The following GABRG3 variants were observed in gnomAD, a reference collection of about 807,000 sequenced individuals.
GABRG3 encodes the protein gamma-aminobutyric acid receptor subunit gamma-3.
Under a neutral mutation model 48.8 loss-of-function variants are expected in GABRG3, and 25 were observed. The ratio of observed to expected loss-of-function variants is 0.51; its 90% CI spans 0.37 to 0.72. The LOEUF (loss-of-function observed/expected upper bound fraction) is 0.72, where lower values mean the gene tolerates loss of function less well. GABRG3 is among the 30% of genes least tolerant of loss of function. The pLI, the probability that GABRG3 is intolerant of heterozygous loss-of-function variation, is 0.00. For missense variants in GABRG3, 394 were observed against 577.9 expected (o/e 0.68, Z 3.26); for synonymous variants, 227 against 217.6 (o/e 1.04, Z -0.38).
rs1052558077 is a variant in GABRG3, at chr15:26,976,886, G to A, written c.54-116G>A. 8 of 951,718 alleles carry A rather than the reference G, an allele frequency of 8.4e-6. No individual in the cohort carries two copies. The highest frequency in any genetic ancestry group is 3.0e-5 in the South Asian group (2 of 67,246). The allele number at this position is 951,718 out of a possible 1,614,324, so 59.0% of individuals were successfully genotyped here. A position where few individuals can be genotyped will look rare whatever the true frequency, so the allele number is the denominator to read the frequency against. On this transcript the variant is annotated intron_variant, in intron 1 of 9. Coordinates refer to ENST00000615808, the MANE Select transcript of GABRG3 (RefSeq NM_033223.5). The surrounding 1 kb of genome is among the most constrained non-coding windows in gnomAD (Gnocchi z 7.8). ...TTCGGGTTTTCACGTGTGTGGTTGG[G>A]CTGTGGGTACTGGGGACTTTCTACC... is the stretch of plus-strand genomic sequence containing the variant.
chr15:27,331,524 A>C (rs1397921685), intron 5 of GABRG3, among the ~76,000 whole-genome samples: 1 of 152,208 alleles, frequency 6.6e-6, no homozygotes, highest in Non-Finnish European at 1.5e-5. Context: ...CAGCTATATG[A>C]TATTCTGGAA....
At chr15:27,255,308 CA>C (rs1429024552) in intron 3 of GABRG3, among the ~76,000 whole-genome samples, 1 of 152,202 alleles carries the variant, frequency 6.6e-6, no homozygotes, top group Non-Finnish European at 1.5e-5. Flanking sequence ...TCCCAAGCTC[CA>C]AACACCAAGG....
chr15:27,525,949 TA>T, intron 7 of GABRG3, among the ~76,000 whole-genome samples: 1 of 99,262 alleles, frequency 1.0e-5, no homozygotes, highest in East Asian at 3.1e-4. Context: ...CCATAGAACT[TA>T]AAAAAGTAAA....
Position 27,313,290 on chromosome 15 carries a change from A to G in GABRG3, c.271-13519A>G, listed in dbSNP as rs866602268. Among the ~76,000 whole-genome samples, 82 of 112,284 alleles carry G rather than the reference A, an allele frequency of 7.3e-4. 3 individuals are homozygous for G. The South Asian group carries it at 0.012, about 17-fold the overall frequency. The allele number at this position is 112,284 out of a possible 152,430, so 73.7% of individuals were successfully genotyped here. ...TATATATATATATATATATATATAT[A>G]TATATATATATATATATATACCCAA... On this transcript the variant is annotated intron_variant, in intron 3 of 9. Transcript: ENST00000615808.
At chr15:27,292,103 C>T (rs1377347924) in intron 3 of GABRG3, among the ~76,000 whole-genome samples, 3 of 152,178 alleles carry the variant, frequency 2.0e-5, no homozygotes, top group Non-Finnish European at 4.4e-5. Flanking sequence ...CATGTCCCTG[C>T]AAAGGACATG....
intron 5 of GABRG3, among the ~76,000 whole-genome samples, chr15:27,444,606 A>G (rs1888887079): frequency 6.6e-6 from 1 of 152,146 alleles, no homozygotes; most frequent in Non-Finnish European, 1.5e-5. Context: ...TCTTTTAATT[A>G]TAGCTATTAG....
At chr15:27,498,359 G>C (rs768925612) in intron 6 of GABRG3, among the ~76,000 whole-genome samples, 7 of 151,840 alleles carry the variant, frequency 4.6e-5, no homozygotes, top group Non-Finnish European at 1.0e-4. Flanking sequence ...GTTTCTTTCT[G>C]ATTTTAAAGC....
Position 27,473,070 on chromosome 15 carries a change from A to T in GABRG3, c.575-7580A>T, listed in dbSNP as rs146015959. ...TTTACATTCATATTTTTAAGCAAGA[A>T]TGCTTTTCTTGTGCATTCATTATTA... On this transcript the variant is annotated intron_variant, in intron 5 of 9. Transcript: ENST00000615808. Among the ~76,000 whole-genome samples the T allele has an allele frequency of 8.0e-3, 1,222 of 152,312 alleles. 10 individuals carry two copies. Among genetic ancestry groups the T allele is most frequent in the Middle Eastern group, 0.027 (8 of 294 alleles).
chr15:27,116,229 G>A (rs1452388162), intron 3 of GABRG3, among the ~76,000 whole-genome samples: 1 of 152,184 alleles, frequency 6.6e-6, no homozygotes, highest in East Asian at 1.9e-4. Flanking sequence ...GGCCCCTGGG[G>A]AACATGCCCA....
intron 5 of GABRG3, among the ~76,000 whole-genome samples, chr15:27,357,545 T>C (rs537771616): frequency 5.9e-5 from 9 of 152,302 alleles, no homozygotes; most frequent in African/African-American, 2.2e-4. Context: ...AAAGCCTACA[T>C]AAGTGACACA....
At chr15:27,529,727 G>A (rs892163783) in intron 9 of GABRG3, among the ~76,000 whole-genome samples, 1 of 152,200 alleles carries the variant, frequency 6.6e-6, no homozygotes, top group Admixed American at 6.5e-5. Flanking sequence ...AAACAGAGGG[G>A]AGAGGGGAAG....
intron 3 of GABRG3, among the ~76,000 whole-genome samples, chr15:27,167,951 C>T (rs770909039): frequency 2.0e-5 from 3 of 152,156 alleles, no homozygotes; most frequent in Non-Finnish European, 4.4e-5. Flanking sequence ...GAGGCTCCCT[C>T]GCAGTCAGAT....
intron 3 of GABRG3, among the ~76,000 whole-genome samples, chr15:27,089,958 T>G (rs1391458519): frequency 6.6e-6 from 1 of 152,236 alleles, no homozygotes; most frequent in Non-Finnish European, 1.5e-5. Flanking sequence ...TTGATGGGCA[T>G]TTTAGTTGTT....
At chr15:27,100,132 G>A (rs1897331116) in intron 3 of GABRG3, among the ~76,000 whole-genome samples, 1 of 151,190 alleles carries the variant, frequency 6.6e-6, no homozygotes, top group African/African-American at 2.4e-5. Context: ...GCAGGAGAAT[G>A]GCTTGAACCC....
chr15:27,292,929 C>T (rs1388047491), intron 3 of GABRG3, among the ~76,000 whole-genome samples: 6 of 152,058 alleles, frequency 3.9e-5, no homozygotes, highest in East Asian at 3.9e-4. Flanking sequence ...CTCTACCTAA[C>T]GATATTGATA....
intron 3 of GABRG3, among the ~76,000 whole-genome samples, chr15:27,225,866 C>G (rs73359667): frequency 0.022 from 3,309 of 152,222 alleles, 139 homozygotes; most frequent in African/African-American, 0.073. Context: ...TAAGAACAGA[C>G]TCCACATGGC....
Position 27,326,817 on chromosome 15 carries a change from A to G in GABRG3, c.279A>G (p.Gln93=), listed in dbSNP as rs77199213. ...CTTCTGCTCTGTTTCAGGAATACCA[A>G]ATTGACATATTTTTTGCTCAGACCT... ...GPVSSINMEY[Q]IDIFFAQTWT... The change falls in exon 4 of 10, where the codon CAA becomes CAG. Residue 93 remains glutamine (Q), a synonymous_variant. Transcript: ENST00000615808. 11 of 1,613,268 alleles carry G rather than the reference A, an allele frequency of 6.8e-6. No homozygotes were observed. The highest frequency in any genetic ancestry group is 9.3e-6 in the Non-Finnish European group (11 of 1,179,238).
intron 5 of GABRG3, among the ~76,000 whole-genome samples, chr15:27,456,455 C>A (rs1036343871): frequency 6.6e-6 from 1 of 152,192 alleles, no homozygotes; most frequent in African/African-American, 2.4e-5. Flanking sequence ...TATTCACACC[C>A]CAAATAAAGG....
At chr15:27,382,238 T>A (rs1279837150) in intron 5 of GABRG3, among the ~76,000 whole-genome samples, 1 of 152,134 alleles carries the variant, frequency 6.6e-6, no homozygotes, top group Non-Finnish European at 1.5e-5. Context: ...CTTCCTTGCA[T>A]GTTGATGCCA....
Sources: gnomAD v4.1 joint callset for allele counts (sites outside exome capture counted in the v4.1 genomes callset) on GRCh38, gnomAD v4.1.1 for gene constraint, Gnocchi (gnomAD v3.1) non-coding constraint, MANE v1.5 for transcripts, NCBI Gene and HGNC (gene_info 2026-07-23, HGNC 2026-07-21) for gene names.